GSDME: variants seen among roughly 807,000 people sequenced by gnomAD.
GSDME encodes gasdermin-E.
GSDME carries 44 observed loss-of-function variants against 47.5 expected under a neutral mutation model. The observed-to-expected ratio is 0.93, with a 90% confidence interval of 0.73 to 1.19. The LOEUF (loss-of-function observed/expected upper bound fraction) is 1.19, where lower values mean the gene tolerates loss of function less well. Among genes scored for constraint, GSDME ranks in the 50% most tolerant of loss-of-function variants. The pLI, the probability that GSDME is intolerant of heterozygous loss-of-function variation, is 0.00. For missense variants in GSDME, 663 were observed against 604.2 expected (o/e 1.10, Z -1.02); for synonymous variants, 258 against 252.8 (o/e 1.02, Z -0.20).
Position 24,744,106 on chromosome 7 carries a change from T to A in GSDME, c.404+456A>T. The A allele has an allele frequency of 4.5e-6, 1 of 220,366 alleles. No individual in the cohort carries two copies. The highest frequency in any genetic ancestry group is 9.1e-6 in the Non-Finnish European group (1 of 109,790). 13.7% of individuals were successfully genotyped at this position (220,366 alleles called of 1,614,324 possible). A position where few individuals can be genotyped will look rare whatever the true frequency, so the allele number is the denominator to read the frequency against. On this transcript the variant is annotated intron_variant, in intron 3 of 9. Transcript: ENST00000645220. The surrounding 1 kb of genome is among the most constrained non-coding windows in gnomAD (Gnocchi z 4.5). ...CCGAAAGCCAAACAATGAATAAATGTGGGGTTTTCTTCAAGACTTCAAAGA... is the reference window on the plus strand; with the variant it reads ...CCGAAAGCCAAACAATGAATAAATGAGGGGTTTTCTTCAAGACTTCAAAGA...
chr7:24,794,196 G>A, the GSDME span, among the ~76,000 whole-genome samples: 1 of 149,972 alleles, frequency 6.7e-6, no homozygotes, highest in Non-Finnish European at 1.5e-5. Context: ...CTCTCTCTCT[G>A]CCTCTTTCTC....
chr7:24,758,762 C>T (rs1791116027), upstream of GSDME, among the ~76,000 whole-genome samples: 1 of 152,180 alleles, frequency 6.6e-6, no homozygotes, highest in Non-Finnish European at 1.5e-5. This position sits in a 1 kb window ranked among gnomAD's most constrained non-coding sequence, Gnocchi z 4.6. Context: ...CCTCCTAGTT[C>T]CTCCTCTGCT....
intron 8 of GSDME, chr7:24,703,060 A>G: frequency 2.2e-6 from 1 of 454,096 alleles, no homozygotes; most frequent in Non-Finnish European, 4.2e-6. Flanking sequence ...TCCACAGAGG[A>G]TACTCCTTGA....
At chr7:24,761,013 G>A (rs531861082), upstream of GSDME, among the ~76,000 whole-genome samples, 2 of 152,298 alleles carry the variant, frequency 1.3e-5, no homozygotes, top group South Asian at 4.2e-4. The surrounding 1 kb of genome is among the most constrained non-coding windows in gnomAD (Gnocchi z 4.4). Context: ...GGACAAACAA[G>A]GAAATGTGAA....
the GSDME span, among the ~76,000 whole-genome samples, chr7:24,780,134 C>A: frequency 6.6e-6 from 1 of 152,362 alleles, no homozygotes; most frequent in Admixed American, 6.5e-5. The surrounding 1 kb of genome is among the most constrained non-coding windows in gnomAD (Gnocchi z 4.1). Context: ...GCATCCCTGG[C>A]AGGACGTCCG....
chr7:24,767,972 C>T, the GSDME span, among the ~76,000 whole-genome samples: 10 of 152,086 alleles, frequency 6.6e-5, no homozygotes, highest in African/African-American at 1.9e-4. This position sits in a 1 kb window ranked among gnomAD's most constrained non-coding sequence, Gnocchi z 5.3. Context: ...GAAATGAATC[C>T]GTTCTCACCC....
At position 24,702,879 on chromosome 7, in the gene GSDME, A is replaced by G. The variant is rs766037168; in HGVS notation, c.1184-46T>C. ...AGTCACAGTCCAAAAAAACAAGTCC[A>G]TGGGAACAGAGCCAGCCCCTGGATG... On this transcript the variant is annotated intron_variant, in intron 8 of 9. Transcript: ENST00000645220. The G allele has an allele frequency of 2.6e-6, 4 of 1,550,358 alleles. No individual in the cohort carries two copies. In the East Asian group the frequency reaches 9.0e-5, roughly 35 times the overall value.
upstream of GSDME, chr7:24,757,810 C>T (rs1315622769): frequency 3.3e-5 from 5 of 152,352 alleles, no homozygotes; most frequent in African/African-American, 9.6e-5. This position sits in a 1 kb window ranked among gnomAD's most constrained non-coding sequence, Gnocchi z 5.9. Flanking sequence ...AGCGGCGCCT[C>T]CTCGCGGGGC....
intron 6 of GSDME, among the ~76,000 whole-genome samples, chr7:24,708,906 T>TTGTG: frequency 6.6e-6 from 1 of 152,102 alleles, no homozygotes; most frequent in East Asian, 1.9e-4. Flanking sequence ...TTTTTGGTTT[T>TTGTG]TTTGTTTGTT....
upstream of GSDME, among the ~76,000 whole-genome samples, chr7:24,759,734 C>T (rs1269960455): frequency 1.3e-5 from 2 of 152,116 alleles, no homozygotes; most frequent in African/African-American, 4.8e-5. Context: ...GTAGGGGTCC[C>T]CCCACCCAAG....
intron 3 of GSDME, among the ~76,000 whole-genome samples, chr7:24,738,087 C>G (rs1185259046): frequency 6.6e-6 from 1 of 152,158 alleles, no homozygotes; most frequent in Non-Finnish European, 1.5e-5. Context: ...TGCCCACTTT[C>G]ACCACTGTTA....
intron 5 of GSDME, 82 bp downstream of exon 5, chr7:24,717,171 AG>A: frequency 8.6e-7 from 1 of 1,167,720 alleles, no homozygotes; most frequent in East Asian, 3.2e-5. Context: ...AAAGCAGTCG[AG>A]TCCTCTGGAA....
chr7:24,782,215 CCT>C, the GSDME span, among the ~76,000 whole-genome samples: 1 of 124,100 alleles, frequency 8.1e-6, no homozygotes, highest in Non-Finnish European at 1.7e-5. Context: ...ATCCCTCCCC[CCT>C]CCCCCCACCC....
the GSDME span, among the ~76,000 whole-genome samples, chr7:24,777,611 C>A: frequency 4.5e-4 from 69 of 152,156 alleles, no homozygotes; most frequent in African/African-American, 1.6e-3. Flanking sequence ...CCTCACCTAA[C>A]CCCAGATCAT....
chr7:24,702,429 G>C (rs1788906718), intron 9 of GSDME: 1 of 360,610 alleles, frequency 2.8e-6, no homozygotes, highest in African/African-American at 2.1e-5. Context: ...AAATAATATG[G>C]TGTCAGGCCC....
At chr7:24,757,750 C>G (rs1287781916), upstream of GSDME, 1 of 152,406 alleles carries the variant, frequency 6.6e-6, no homozygotes, top group East Asian at 1.9e-4. The surrounding 1 kb of genome is among the most constrained non-coding windows in gnomAD (Gnocchi z 5.9). Flanking sequence ...GCTGCGCCTG[C>G]CTTCCGCGGC....
chr7:24,775,347 AT>A, the GSDME span, among the ~76,000 whole-genome samples: 1 of 152,218 alleles, frequency 6.6e-6, no homozygotes, highest in African/African-American at 2.4e-5. Context: ...TATTTTACTA[AT>A]TTCTGTACTA....
the GSDME span, among the ~76,000 whole-genome samples, chr7:24,772,709 T>A: frequency 6.6e-6 from 1 of 152,254 alleles, no homozygotes; most frequent in Non-Finnish European, 1.5e-5. This position sits in a 1 kb window ranked among gnomAD's most constrained non-coding sequence, Gnocchi z 4.5. Context: ...ACTAACTTGG[T>A]TTTATATCTT....
the GSDME span, among the ~76,000 whole-genome samples, chr7:24,782,528 C>G: frequency 2.0e-4 from 30 of 152,092 alleles, no homozygotes; most frequent in Admixed American, 2.0e-3. Context: ...AATAAACATA[C>G]GTGTGCATGT....
Sources: gnomAD v4.1 joint callset for allele counts (sites outside exome capture counted in the v4.1 genomes callset) on GRCh38, gnomAD v4.1.1 for gene constraint, Gnocchi (gnomAD v3.1) non-coding constraint, MANE v1.5 for transcripts, NCBI Gene and HGNC (gene_info 2026-07-23, HGNC 2026-07-21) for gene names.